Variants in NAV3 observed in about 807,000 individuals in gnomAD.
NAV3 encodes pore membrane and/or filament interacting like protein 1.
A neutral mutation model predicts 244.7 loss-of-function variants in NAV3; 87 were observed. That is an observed-to-expected ratio of 0.36 (90% confidence interval 0.30 to 0.42). The LOEUF is 0.42. Among genes scored for constraint, NAV3 ranks in the 20% least tolerant of loss-of-function variants. NAV3 has a pLI of 1.00. For missense variants in NAV3, 2,663 were observed against 2,893.3 expected (o/e 0.92, Z 1.83); for synonymous variants, 1,126 against 1,042.2 (o/e 1.08, Z -1.55).
chr12:78,191,632 A>G (rs1022608885), intron 34 of NAV3, among the ~76,000 whole-genome samples: 3 of 152,214 alleles, frequency 2.0e-5, no homozygotes, highest in Non-Finnish European at 4.4e-5. Flanking sequence ...AAAGAAAGAC[A>G]TAGAACCTGA....
chr12:77,938,049 ATCTG>A (rs1462829006), intron 1 of NAV3, among the ~76,000 whole-genome samples: 3 of 152,174 alleles, frequency 2.0e-5, no homozygotes, highest in Non-Finnish European at 2.9e-5. Flanking sequence ...CTCAAGTCAG[ATCTG>A]TCTGACTCCA....
intron 2 of NAV3, among the ~76,000 whole-genome samples, chr12:77,649,808 G>T (rs971791615): frequency 6.6e-6 from 1 of 151,964 alleles, no homozygotes; most frequent in African/African-American, 2.4e-5. Context: ...TGATTTAATC[G>T]ATTTTTTTAA....
At chr12:77,945,431 C>G (rs1447884589) in intron 3 of NAV3, among the ~76,000 whole-genome samples, 1 of 152,076 alleles carries the variant, frequency 6.6e-6, no homozygotes, top group East Asian at 1.9e-4. Flanking sequence ...AAACACAAAT[C>G]TCTACATAGC....
At chr12:77,622,200 C>G (rs1250772051) in intron 2 of NAV3, among the ~76,000 whole-genome samples, 2 of 152,056 alleles carry the variant, frequency 1.3e-5, no homozygotes, top group African/African-American at 4.8e-5. Context: ...CACCCTGTCT[C>G]CCAGGCTGCA....
chr12:78,099,665 A>G (rs1379205876), intron 12 of NAV3, among the ~76,000 whole-genome samples: 1 of 151,960 alleles, frequency 6.6e-6, no homozygotes, highest in Non-Finnish European at 1.5e-5. Flanking sequence ...TATTTCAACT[A>G]TATAACAGCA....
intron 34 of NAV3, among the ~76,000 whole-genome samples, chr12:78,191,332 A>G (rs962499312): frequency 6.6e-6 from 1 of 152,098 alleles, no homozygotes; most frequent in African/African-American, 2.4e-5. Flanking sequence ...AGAACAGCGC[A>G]AGTAGCAAGC....
intron 2 of NAV3, among the ~76,000 whole-genome samples, chr12:77,724,616 T>G (rs1317913961): frequency 1.3e-5 from 2 of 151,856 alleles, no homozygotes; most frequent in African/African-American, 4.8e-5. Context: ...TACTAGTATT[T>G]TTCCATTTGC....
chr12:77,641,034 A>G (rs1404967714), intron 2 of NAV3, among the ~76,000 whole-genome samples: 1 of 152,062 alleles, frequency 6.6e-6, no homozygotes, highest in Non-Finnish European at 1.5e-5. Flanking sequence ...TCTAGAGAGG[A>G]TTACTTATTT....
At chr12:77,705,646 A>G (rs1249119772) in intron 2 of NAV3, among the ~76,000 whole-genome samples, 3 of 151,386 alleles carry the variant, frequency 2.0e-5, no homozygotes, top group African/African-American at 7.4e-5. Context: ...CAGATGTGGC[A>G]TATTAGTTGA....
chr12:77,870,563 A>T (rs1477340722), intron 1 of NAV3, among the ~76,000 whole-genome samples: 2 of 152,148 alleles, frequency 1.3e-5, no homozygotes, highest in African/African-American at 4.8e-5. Context: ...TTAAAATGAG[A>T]TTTTAACAAC....
intron 2 of NAV3, among the ~76,000 whole-genome samples, chr12:77,702,773 C>A (rs1455563078): frequency 6.6e-6 from 1 of 151,814 alleles, no homozygotes; most frequent in Non-Finnish European, 1.5e-5. Flanking sequence ...ATATTATTAT[C>A]ATTACTTTAA....
At chr12:77,807,110 A>G (rs1028663567) in intron 2 of NAV3, among the ~76,000 whole-genome samples, 2 of 152,176 alleles carry the variant, frequency 1.3e-5, no homozygotes, top group African/African-American at 4.8e-5. Flanking sequence ...TAGCACACCT[A>G]TGGGTCTTGA....
chr12:77,690,097 T>G (rs892777826), intron 2 of NAV3, among the ~76,000 whole-genome samples: 5 of 151,790 alleles, frequency 3.3e-5, no homozygotes, highest in Non-Finnish European at 3.0e-5. Context: ...CTTTAACAGG[T>G]TCATCAGGTC....
At chr12:78,180,352 T>C (rs1444400185) in intron 29 of NAV3, among the ~76,000 whole-genome samples, 4 of 152,110 alleles carry the variant, frequency 2.6e-5, no homozygotes, top group Non-Finnish European at 5.9e-5. Flanking sequence ...TTTGTTGTTT[T>C]TTTATGAGCT....
At chr12:77,761,632 T>A (rs1412636282) in intron 2 of NAV3, among the ~76,000 whole-genome samples, 2 of 152,072 alleles carry the variant, frequency 1.3e-5, no homozygotes, top group African/African-American at 4.8e-5. Context: ...GAACAGACAC[T>A]TCTCAAAAAA....
At chr12:77,691,296 G>T (rs1875001191) in intron 2 of NAV3, among the ~76,000 whole-genome samples, 1 of 118,322 alleles carries the variant, frequency 8.5e-6, no homozygotes. Context: ...AGTTGTGGTA[G>T]AGGAATCTAT....
chr12:78,193,922 A>G (rs1387013264), intron 34 of NAV3, among the ~76,000 whole-genome samples: 2 of 151,988 alleles, frequency 1.3e-5, no homozygotes, highest in Non-Finnish European at 2.9e-5. Context: ...TCTTTCTGAC[A>G]TTCATGTTAT....
At chr12:78,047,693 G>T (rs1243941616) in intron 9 of NAV3, among the ~76,000 whole-genome samples, 1 of 152,104 alleles carries the variant, frequency 6.6e-6, no homozygotes, top group African/African-American at 2.4e-5. Flanking sequence ...TCTTGGGGTT[G>T]CTCTTCTCAA....
rs185658528 is a variant in NAV3, at chr12:78,146,696, A to G, written c.4707+304A>G. ...ATAAATGAAGGTCTATGGTCTTCCT[A>G]TTTTATTACAGTCTTTTTCCCACTC... On this transcript the variant is annotated intron_variant, in intron 21 of 39. Coordinates refer to ENST00000397909, the MANE Select transcript of NAV3 (RefSeq NM_001024383.2). Among the ~76,000 whole-genome samples the G allele has an allele frequency of 1.4e-3, 219 of 152,226 alleles. 3 individuals carry two copies. The highest frequency in any genetic ancestry group is 1.8e-3 in the Non-Finnish European group (123 of 67,994).
Sources: gnomAD v4.1 joint callset for allele counts (sites outside exome capture counted in the v4.1 genomes callset) on GRCh38, gnomAD v4.1.1 for gene constraint, MANE v1.5 for transcripts, NCBI Gene and HGNC (gene_info 2026-07-23, HGNC 2026-07-21) for gene names.